The following GNAL variants were observed in gnomAD, a reference collection of about 807,000 sequenced individuals.
The protein encoded by GNAL is G protein subunit alpha L.
GNAL carries 18 observed loss-of-function variants against 55.1 expected under a neutral mutation model. The observed-to-expected ratio is 0.33, with a 90% CI of 0.23 to 0.48. The LOEUF (loss-of-function observed/expected upper bound fraction) is 0.48. GNAL is among the 20% of genes least tolerant of loss of function. GNAL has a pLI of 0.99. For synonymous variants in GNAL, 253 were observed against 237.0 expected (o/e 1.07, Z -0.62); for missense variants, 412 against 614.1 (o/e 0.67, Z 3.48).
intron 1 of GNAL, among the ~76,000 whole-genome samples, chr18:11,697,926 G>A (rs1191749198): frequency 6.6e-6 from 1 of 152,156 alleles, no homozygotes; most frequent in Non-Finnish European, 1.5e-5. Flanking sequence ...AGAGATGGAT[G>A]TGTCACCCAG....
At chr18:11,797,083 C>T (rs1298839310) in intron 4 of GNAL, among the ~76,000 whole-genome samples, 1 of 152,140 alleles carries the variant, frequency 6.6e-6, no homozygotes, top group Non-Finnish European at 1.5e-5. Flanking sequence ...GATTATCCCA[C>T]TAGGCCTGGC....
chr18:11,756,320 T>C (rs879308230), intron 4 of GNAL, among the ~76,000 whole-genome samples: 1 of 152,186 alleles, frequency 6.6e-6, no homozygotes, highest in Non-Finnish European at 1.5e-5. Flanking sequence ...TAAATTAAGG[T>C]TACTTAAAAG....
chr18:11,813,254 T>TAAAAAAGAA (rs146923274), intron 4 of GNAL, among the ~76,000 whole-genome samples: 1 of 138,446 alleles, frequency 7.2e-6, no homozygotes, highest in Non-Finnish European at 1.5e-5. Context: ...GACTCCATCT[T>TAAAAAAGAA]AAAAAAAAGA....
At chr18:11,692,545 G>C (rs921830548) in intron 1 of GNAL, among the ~76,000 whole-genome samples, 1 of 152,246 alleles carries the variant, frequency 6.6e-6, no homozygotes, top group African/African-American at 2.4e-5. Flanking sequence ...TTGTTGGTGT[G>C]TGAGGGTAAA....
chr18:11,750,094 G>A (rs1443758620), intron 1 of GNAL, among the ~76,000 whole-genome samples: 1 of 152,224 alleles, frequency 6.6e-6, no homozygotes, highest in Non-Finnish European at 1.5e-5. Context: ...CACAGCAGTG[G>A]CAGACGCCAC....
At chr18:11,865,996 C>T (rs1365874651) in intron 7 of GNAL, among the ~76,000 whole-genome samples, 1 of 149,514 alleles carries the variant, frequency 6.7e-6, no homozygotes, top group Non-Finnish European at 1.5e-5. Context: ...CAGCGCCCTC[C>T]TCAGTGCACA....
chr18:11,833,916 G>A (rs79333098), intron 5 of GNAL, among the ~76,000 whole-genome samples: 2,555 of 152,256 alleles, frequency 0.017, 70 homozygotes, highest in African/African-American at 0.059. Flanking sequence ...GTGAGGAGCC[G>A]GAGCCCTTGT....
chr18:11,844,933 T>C (rs923050886), intron 5 of GNAL, among the ~76,000 whole-genome samples: 1 of 152,204 alleles, frequency 6.6e-6, no homozygotes, highest in East Asian at 1.9e-4. Flanking sequence ...TGATGTGATC[T>C]TGGCTCACTG....
intron 4 of GNAL, among the ~76,000 whole-genome samples, chr18:11,768,541 C>T (rs1321873440): frequency 8.6e-5 from 13 of 151,704 alleles, no homozygotes; most frequent in African/African-American, 1.5e-4. Context: ...GCAGAGGTTG[C>T]GGTGAGCTGA....
At position 11,881,369 on chromosome 18, in the gene GNAL, C is replaced by T. The variant is rs892659802; in HGVS notation, c.*234C>T. 1.3e-5 allele frequency: 6 copies of T among 444,558 alleles called. No individual in the cohort carries two copies. Among genetic ancestry groups the T allele is most frequent in the East Asian group, 3.4e-5 (1 of 29,540 alleles). 27.5% of individuals were successfully genotyped at this position (444,558 alleles called of 1,614,324 possible). A position where few individuals can be genotyped will look rare whatever the true frequency, so the allele number is the denominator to read the frequency against. ...CCCCCAAACCACCGACTCTCATTGC[C>T]GACACTGCAGCAGAATCTCTCCGGG... On this transcript the variant is annotated 3_prime_UTR_variant, in exon 12 of 12. Coordinates refer to ENST00000334049, the MANE Select transcript of GNAL (RefSeq NM_182978.4). The surrounding 1 kb of genome is among the most constrained non-coding windows in gnomAD (Gnocchi z 4.8).
chr18:11,855,300 C>T (rs1256664321), intron 5 of GNAL, among the ~76,000 whole-genome samples: 1 of 151,924 alleles, frequency 6.6e-6, no homozygotes, highest in Non-Finnish European at 1.5e-5. Flanking sequence ...CACATTGAAA[C>T]TTCCCTACAC....
At chr18:11,771,550 A>G (rs911765934) in intron 4 of GNAL, among the ~76,000 whole-genome samples, 4 of 152,170 alleles carry the variant, frequency 2.6e-5, no homozygotes, top group Admixed American at 6.5e-5. Flanking sequence ...ACACACTGTC[A>G]TGTTGGCAAG....
At chr18:11,824,286 GTT>G (rs2035183991) in intron 4 of GNAL, among the ~76,000 whole-genome samples, 1 of 150,758 alleles carries the variant, frequency 6.6e-6, no homozygotes, top group Non-Finnish European at 1.5e-5. Flanking sequence ...AATGAGTTAA[GTT>G]ACTGAATTCT....
chr18:11,718,361 G>A (rs942718827), intron 1 of GNAL, among the ~76,000 whole-genome samples: 1 of 152,124 alleles, frequency 6.6e-6, no homozygotes, highest in Non-Finnish European at 1.5e-5. Flanking sequence ...GTCATTCAGA[G>A]ACAATCAGCC....
chr18:11,705,750 CTTTT>C lies in GNAL; in HGVS notation c.376+15829_376+15832del, dbSNP rs749198189. Among the ~76,000 whole-genome samples, 717 of 118,320 alleles carry C rather than the reference CTTTT, an allele frequency of 6.1e-3. 3 individuals carry two copies. The highest frequency in any genetic ancestry group is 0.021 in the African/African-American group (679 of 31,876). 77.6% of individuals were successfully genotyped at this position (118,320 alleles called of 152,430 possible). A position where few individuals can be genotyped will look rare whatever the true frequency, so the allele number is the denominator to read the frequency against. ...ATATACCTGCTGGACATTTCTATGT[CTTTT>C]TTTTTTTTTTTTTTTTTCTGAGACA... On this transcript the variant is annotated intron_variant, in intron 1 of 11. Transcript: ENST00000334049.
intron 1 of GNAL, among the ~76,000 whole-genome samples, chr18:11,730,708 G>A (rs2143440498): frequency 6.6e-6 from 1 of 152,152 alleles, no homozygotes; most frequent in African/African-American, 2.4e-5. Context: ...AGGTTACAGT[G>A]ACCTGAGATC....
intron 1 of GNAL, among the ~76,000 whole-genome samples, chr18:11,723,125 A>C (rs2032136389): frequency 6.6e-6 from 1 of 152,162 alleles, no homozygotes; most frequent in Admixed American, 6.5e-5. Context: ...CAGAGGTTGC[A>C]GTGAGCCAAG....
chr18:11,824,647 C>G (rs1416413466), intron 4 of GNAL, among the ~76,000 whole-genome samples: 2 of 151,328 alleles, frequency 1.3e-5, no homozygotes, highest in Admixed American at 6.6e-5. Flanking sequence ...AAGATGGCAC[C>G]ACTGCACTCC....
chr18:11,814,613 C>T (rs2034905487), intron 4 of GNAL, among the ~76,000 whole-genome samples: 1 of 152,114 alleles, frequency 6.6e-6, no homozygotes, highest in African/African-American at 2.4e-5. Context: ...TTGCTCTTGG[C>T]CAGGTGCCAC....
Sources: allele counts gnomAD v4.1 joint callset (sites outside exome capture counted in the v4.1 genomes callset), GRCh38; gene constraint gnomAD v4.1.1; non-coding constraint Gnocchi (gnomAD v3.1); transcripts MANE v1.5; gene names NCBI Gene and HGNC (gene_info 2026-07-23, HGNC 2026-07-21).